Variants in CSMD1 observed in about 807,000 individuals in gnomAD.
CSMD1 encodes the protein CUB and Sushi multiple domains 1.
Under a neutral mutation model 417.5 loss-of-function variants are expected in CSMD1, and 213 were observed. That is an observed-to-expected ratio of 0.51 (90% CI 0.46 to 0.57). CSMD1 has a LOEUF of 0.57. Among genes scored for constraint, CSMD1 ranks in the 20% least tolerant of loss-of-function variants. The pLI, the probability that CSMD1 is intolerant of heterozygous loss-of-function variation, is 0.00. For synonymous variants in CSMD1, 2,862 were observed against 1,736.8 expected (o/e 1.65, Z -16.11); for missense variants, 6,923 against 4,529.7 (o/e 1.53, Z -15.17).
chr8:4,376,704 T>C (rs1802769104), intron 3 of CSMD1, among the ~76,000 whole-genome samples: 1 of 152,234 alleles, frequency 6.6e-6, no homozygotes, highest in South Asian at 2.1e-4. Flanking sequence ...TCTTTAATCT[T>C]TGCAAACTGA....
chr8:4,320,017 A>C (rs984297238), intron 3 of CSMD1, among the ~76,000 whole-genome samples: 24 of 152,216 alleles, frequency 1.6e-4, no homozygotes, highest in Non-Finnish European at 3.1e-4. Context: ...AAGTACTCAA[A>C]GTACCACCTC....
At chr8:3,423,993 T>C (rs555644853) in intron 12 of CSMD1, among the ~76,000 whole-genome samples, 3 of 152,332 alleles carry the variant, frequency 2.0e-5, no homozygotes, top group East Asian at 3.9e-4. Flanking sequence ...GTTTTCTTTG[T>C]TGGTGAAAAA....
Position 4,622,083 on chromosome 8 carries a change from G to C in CSMD1, c.302+15259C>G, listed in dbSNP as rs148106341. On this transcript the variant is annotated intron_variant, in intron 2 of 69. Coordinates refer to ENST00000635120, the MANE Select transcript of CSMD1 (RefSeq NM_033225.6). ...CAAGCAACATATTAGTGCAGTTCTA[G>C]GCAGGAGACAAAATCTCTCATCAGG... Among the ~76,000 whole-genome samples the C allele has an allele frequency of 1.1e-4, 17 of 151,306 alleles. No homozygotes were observed. The East Asian group carries it at 3.3e-3, about 29-fold the overall frequency.
At chr8:4,235,070 G>C (rs1358354819) in intron 3 of CSMD1, among the ~76,000 whole-genome samples, 1 of 152,056 alleles carries the variant, frequency 6.6e-6, no homozygotes, top group Admixed American at 6.6e-5. Context: ...TCCATCCATA[G>C]GAGTCCCTTT....
At chr8:3,446,519 A>G (rs1815318900) in intron 12 of CSMD1, among the ~76,000 whole-genome samples, 1 of 152,224 alleles carries the variant, frequency 6.6e-6, no homozygotes, top group Non-Finnish European at 1.5e-5. Context: ...TGCTAGAAAC[A>G]AAAAGCAAAC....
At chr8:3,036,569 G>A (rs954042351) in intron 50 of CSMD1, among the ~76,000 whole-genome samples, 2 of 152,154 alleles carry the variant, frequency 1.3e-5, no homozygotes, top group Non-Finnish European at 2.9e-5. Context: ...AGCAAAGTGT[G>A]CAGTCTAGCA....
At chr8:4,607,958 C>T (rs1430497041) in intron 2 of CSMD1, among the ~76,000 whole-genome samples, 1 of 152,160 alleles carries the variant, frequency 6.6e-6, no homozygotes, top group African/African-American at 2.4e-5. Context: ...CGACTTTCCC[C>T]AGCCCACCTG....
intron 3 of CSMD1, among the ~76,000 whole-genome samples, chr8:4,239,275 G>A (rs754002890): frequency 6.6e-6 from 1 of 152,306 alleles, no homozygotes; most frequent in South Asian, 2.1e-4. Context: ...GATGTACTCT[G>A]TTGCATCAAC....
chr8:4,414,844 G>C (rs1429557430), intron 3 of CSMD1, among the ~76,000 whole-genome samples: 4 of 152,178 alleles, frequency 2.6e-5, no homozygotes, highest in African/African-American at 7.2e-5. Context: ...AGGGTACAAA[G>C]AGTAATGGCC....
chr8:4,033,904 T>C (rs368301324), intron 3 of CSMD1, among the ~76,000 whole-genome samples: 11 of 152,328 alleles, frequency 7.2e-5, no homozygotes, highest in South Asian at 2.1e-4. Context: ...TTGTTGGCTA[T>C]TGTATCCATA....
intron 52 of CSMD1, among the ~76,000 whole-genome samples, chr8:3,004,881 G>A (rs959044234): frequency 6.6e-6 from 1 of 152,182 alleles, no homozygotes; most frequent in Admixed American, 6.5e-5. Flanking sequence ...GCTCATGCCT[G>A]TACTCCCAGC....
At chr8:4,307,977 C>G (rs1006633991) in intron 3 of CSMD1, among the ~76,000 whole-genome samples, 1 of 152,090 alleles carries the variant, frequency 6.6e-6, no homozygotes, top group African/African-American at 2.4e-5. Context: ...GAAGAAATTA[C>G]AGAGGCTCAA....
chr8:3,366,046 G>A (rs958608877), intron 20 of CSMD1, among the ~76,000 whole-genome samples: 1 of 152,172 alleles, frequency 6.6e-6, no homozygotes, highest in East Asian at 1.9e-4. Flanking sequence ...GAATTTATGA[G>A]ATCTCAAAAG....
At chr8:4,529,723 G>C (rs1398491343) in intron 2 of CSMD1, among the ~76,000 whole-genome samples, 1 of 151,850 alleles carries the variant, frequency 6.6e-6, no homozygotes, top group East Asian at 1.9e-4. Flanking sequence ...CCTACTATGG[G>C]GTTCTTACAA....
intron 1 of CSMD1, among the ~76,000 whole-genome samples, chr8:4,824,175 G>A (rs1317264315): frequency 6.6e-6 from 1 of 151,674 alleles, no homozygotes; most frequent in East Asian, 1.9e-4. Flanking sequence ...ATATATTTTT[G>A]GACAAAGTAG....
intron 5 of CSMD1, among the ~76,000 whole-genome samples, chr8:3,857,616 G>A (rs1033354554): frequency 6.6e-6 from 1 of 152,106 alleles, no homozygotes; most frequent in Admixed American, 6.6e-5. Context: ...GGGGCCAGGT[G>A]GAGTTCACAG....
intron 3 of CSMD1, among the ~76,000 whole-genome samples, chr8:4,181,782 C>A (rs375642854): frequency 6.6e-6 from 1 of 152,048 alleles, no homozygotes; most frequent in African/African-American, 2.4e-5. Context: ...TACGTATTAA[C>A]GATTTAGGTG....
At chr8:3,333,810 C>T (rs1438833002) in intron 23 of CSMD1, among the ~76,000 whole-genome samples, 4 of 152,152 alleles carry the variant, frequency 2.6e-5, no homozygotes, top group Admixed American at 1.3e-4. Context: ...AGCAAGAAGG[C>T]AGTGAATGCT....
At chr8:3,214,975 T>C (rs1004091867) in intron 29 of CSMD1, among the ~76,000 whole-genome samples, 6 of 152,226 alleles carry the variant, frequency 3.9e-5, no homozygotes, top group African/African-American at 1.4e-4. Flanking sequence ...AAAAATACAG[T>C]ACTACGTTTT....
Sources: gnomAD v4.1 joint callset for allele counts (sites outside exome capture counted in the v4.1 genomes callset) on GRCh38, gnomAD v4.1.1 for gene constraint, MANE v1.5 for transcripts, NCBI Gene and HGNC (gene_info 2026-07-23, HGNC 2026-07-21) for gene names.